Variants in TMEM232 observed in about 807,000 individuals in gnomAD.
TMEM232 encodes transmembrane protein 232.
Under a neutral mutation model 78.8 loss-of-function variants are expected in TMEM232, and 80 were observed. The ratio of observed to expected loss-of-function variants is 1.01; its 90% CI spans 0.85 to 1.22. The LOEUF (loss-of-function observed/expected upper bound fraction) is 1.22. TMEM232 is among the 50% of genes most tolerant of loss of function. The probability of loss-of-function intolerance (pLI) is 0.00; values close to 1 mark genes in which losing one functional copy is unlikely to be tolerated. For missense variants in TMEM232, 881 were observed against 742.2 expected (o/e 1.19, Z -2.17); for synonymous variants, 297 against 254.3 (o/e 1.17, Z -1.60).
At chr5:110,714,380 A>G (rs868508918) in intron 1 of TMEM232, among the ~76,000 whole-genome samples, 15 of 152,300 alleles carry the variant, frequency 9.8e-5, no homozygotes, top group African/African-American at 3.4e-4. Context: ...CAATCAAAAT[A>G]GAAAGAATGT....
At chr5:110,679,626 T>A (rs1337038805) in intron 1 of TMEM232, among the ~76,000 whole-genome samples, 1 of 152,204 alleles carries the variant, frequency 6.6e-6, no homozygotes, top group Non-Finnish European at 1.5e-5. Flanking sequence ...TTTATCTGCA[T>A]ATAGATTTTT....
intron 10 of TMEM232, among the ~76,000 whole-genome samples, chr5:110,574,037 T>C (rs890405249): frequency 6.6e-6 from 1 of 152,076 alleles, no homozygotes; most frequent in Admixed American, 6.6e-5. Context: ...CATGGCTTTT[T>C]TTTTCACTAA....
At chr5:110,421,623 C>A (rs1299808152) in intron 13 of TMEM232, among the ~76,000 whole-genome samples, 1 of 152,044 alleles carries the variant, frequency 6.6e-6, no homozygotes, top group East Asian at 1.9e-4. Context: ...CACAAATGAT[C>A]AGTCTAAGAT....
chr5:110,652,816 A>G (rs1251909737), intron 2 of TMEM232, among the ~76,000 whole-genome samples: 4 of 152,228 alleles, frequency 2.6e-5, no homozygotes, highest in Admixed American at 2.6e-4. Context: ...ACGCATTCCA[A>G]TTTCTCTGAA....
intron 12 of TMEM232, among the ~76,000 whole-genome samples, chr5:110,495,857 A>G (rs763593747): frequency 5.3e-5 from 8 of 151,688 alleles, no homozygotes; most frequent in Non-Finnish European, 1.2e-4. Flanking sequence ...TTAAATATCA[A>G]TTGAATAATA....
intron 2 of TMEM232, among the ~76,000 whole-genome samples, chr5:110,645,300 A>C (rs1177053982): frequency 6.6e-6 from 1 of 151,652 alleles, no homozygotes; most frequent in East Asian, 1.9e-4. Flanking sequence ...CAAAGTCCCT[A>C]GTGAACGTCA....
chr5:110,451,764 C>T (rs1041541931), intron 12 of TMEM232, among the ~76,000 whole-genome samples: 1 of 151,962 alleles, frequency 6.6e-6, no homozygotes, highest in Non-Finnish European at 1.5e-5. Flanking sequence ...TTTCTTGTAG[C>T]ATTTATTATT....
intron 12 of TMEM232, among the ~76,000 whole-genome samples, chr5:110,507,752 T>A (rs1272160994): frequency 1.3e-5 from 2 of 152,214 alleles, no homozygotes; most frequent in African/African-American, 4.8e-5. Flanking sequence ...ATTATTGGAA[T>A]AAGACCCTCA....
At chr5:110,534,026 C>T (rs969384870) in intron 11 of TMEM232, among the ~76,000 whole-genome samples, 8 of 152,132 alleles carry the variant, frequency 5.3e-5, no homozygotes, top group African/African-American at 1.9e-4. Context: ...CATCAAGCTC[C>T]AGGATTTGCC....
chr5:110,627,417 T>C (rs1003450519), intron 6 of TMEM232, among the ~76,000 whole-genome samples: 1 of 151,788 alleles, frequency 6.6e-6, no homozygotes, highest in African/African-American at 2.4e-5. Flanking sequence ...TGAGAACGGA[T>C]GGGGAAGGGG....
intron 2 of TMEM232, among the ~76,000 whole-genome samples, chr5:110,652,396 G>C (rs1788463847): frequency 2.0e-5 from 3 of 151,816 alleles, no homozygotes; most frequent in Non-Finnish European, 2.9e-5. Flanking sequence ...ATAGGCTCTA[G>C]GGAAAACATA....
intron 1 of TMEM232, among the ~76,000 whole-genome samples, chr5:110,711,468 A>G (rs566213862): frequency 4.1e-4 from 62 of 152,252 alleles, no homozygotes; most frequent in Non-Finnish European, 8.4e-4. Flanking sequence ...ATTCCTAGAA[A>G]AAAGAACAAA....
chr5:110,730,984 T>C (rs1055760969), upstream of TMEM232, among the ~76,000 whole-genome samples: 1 of 152,222 alleles, frequency 6.6e-6, no homozygotes, highest in Admixed American at 6.5e-5. Context: ...CTTATGCCTA[T>C]GAGCCTGTAA....
At chr5:110,733,702 G>A (rs909409476) in intron 2 of TMEM232, among the ~76,000 whole-genome samples, 2 of 152,138 alleles carry the variant, frequency 1.3e-5, no homozygotes, top group Non-Finnish European at 2.9e-5. Flanking sequence ...GGTGGGAGGA[G>A]AGAGAGGATC....
intron 1 of TMEM232, among the ~76,000 whole-genome samples, chr5:110,671,317 A>G (rs1791323482): frequency 6.6e-6 from 1 of 152,190 alleles, no homozygotes; most frequent in African/African-American, 2.4e-5. Context: ...AAATTAGGTC[A>G]ACCATTGTGG....
At chr5:110,722,534 T>G (rs1797750035) in intron 1 of TMEM232, among the ~76,000 whole-genome samples, 1 of 152,190 alleles carries the variant, frequency 6.6e-6, no homozygotes, top group South Asian at 2.1e-4. Context: ...CCTCTTCATG[T>G]GGACGTCTCC....
In TMEM232 at chr5:110,625,426, A is replaced by G; in HGVS notation, c.609T>C (p.Ser203=). The change falls in exon 7 of 14, where the codon TCT becomes TCC. Residue 203 remains serine, a synonymous_variant. Coordinates refer to ENST00000455884, the MANE Select transcript of TMEM232 (RefSeq NM_001039763.4). ...LRLQPYLYAL[S]FSGASYHKYP... ...ACTTGTGATATGATGCTCCAGAGAAAGAAAGTGCTATTGTAAGAAAAATCA... is the reference window on the plus strand; with the variant it reads ...ACTTGTGATATGATGCTCCAGAGAAGGAAAGTGCTATTGTAAGAAAAATCA... 1 of 1,520,060 alleles carries G rather than the reference A, an allele frequency of 6.6e-7. No individual in the cohort carries two copies. The highest frequency in any genetic ancestry group is 8.8e-7 in the Non-Finnish European group (1 of 1,132,026). 94.2% of individuals were successfully genotyped at this position (1,520,060 alleles called of 1,614,324 possible). A position where few individuals can be genotyped will look rare whatever the true frequency, so the allele number is the denominator to read the frequency against.
chr5:110,391,442 G>C (rs773214567), intron 3 of TMEM232, among the ~76,000 whole-genome samples: 13 of 151,804 alleles, frequency 8.6e-5, no homozygotes, highest in Non-Finnish European at 1.5e-4. Context: ...CAAGAACTGA[G>C]GATAAAATGA....
At chr5:110,393,216 G>T (rs1176534471) in intron 3 of TMEM232, among the ~76,000 whole-genome samples, 1 of 152,180 alleles carries the variant, frequency 6.6e-6, no homozygotes, top group Non-Finnish European at 1.5e-5. Context: ...CATCTTTACA[G>T]ATTTTCTGTC....
Sources: allele counts gnomAD v4.1 joint callset (sites outside exome capture counted in the v4.1 genomes callset), GRCh38; gene constraint gnomAD v4.1.1; transcripts MANE v1.5; gene names NCBI Gene and HGNC (gene_info 2026-07-23, HGNC 2026-07-21).